Variants in PTPRR observed in about 807,000 individuals in gnomAD.
The protein encoded by PTPRR is receptor-type tyrosine-protein phosphatase R.
In PTPRR, 38 loss-of-function variants were observed where a neutral mutation model predicts 77.2. That is an observed-to-expected ratio of 0.49 (90% CI 0.38 to 0.65). The LOEUF is 0.65. PTPRR is among the 30% of genes least tolerant of loss of function. The pLI is 0.00. For missense variants in PTPRR, 744 were observed against 799.2 expected, an observed-to-expected ratio of 0.93 and a Z score of 0.83; for synonymous variants, 299 against 283.1, an observed-to-expected ratio of 1.06 and a Z score of -0.57.
intron 5 of PTPRR, among the ~76,000 whole-genome samples, chr12:70,753,404 C>CG (rs1890465254): frequency 1.3e-5 from 2 of 151,996 alleles, no homozygotes; most frequent in Non-Finnish European, 2.9e-5. Flanking sequence ...ACATAGCTCA[C>CG]AGGGAAAAAG....
At chr12:70,675,174 T>TC (rs1887397278) in intron 10 of PTPRR, among the ~76,000 whole-genome samples, 1 of 152,074 alleles carries the variant, frequency 6.6e-6, no homozygotes, top group South Asian at 2.1e-4. Flanking sequence ...TGTATTTTTT[T>TC]CCATCCTTTC....
intron 2 of PTPRR, among the ~76,000 whole-genome samples, chr12:70,807,838 C>G (rs766747238): frequency 6.6e-6 from 1 of 152,160 alleles, no homozygotes; most frequent in African/African-American, 2.4e-5. Flanking sequence ...CCTCAGGACT[C>G]TGTGATGATT....
intron 2 of PTPRR, among the ~76,000 whole-genome samples, chr12:70,883,125 G>A (rs954557553): frequency 1.3e-5 from 2 of 152,122 alleles, no homozygotes; most frequent in Non-Finnish European, 2.9e-5. Context: ...GCTGAACCTG[G>A]TGGCAGGTGC....
At chr12:70,916,331 A>C (rs1156762676) in intron 1 of PTPRR, among the ~76,000 whole-genome samples, 1 of 152,164 alleles carries the variant, frequency 6.6e-6, no homozygotes, top group East Asian at 1.9e-4. Context: ...ATGGCTGGAG[A>C]GAGGTAAAAA....
intron 2 of PTPRR, among the ~76,000 whole-genome samples, chr12:70,788,152 T>G (rs1891359930): frequency 6.6e-6 from 1 of 152,198 alleles, no homozygotes; most frequent in African/African-American, 2.4e-5. Flanking sequence ...AAGAGCCATA[T>G]TTAAGCCAAC....
chr12:70,849,675 T>C (rs972486516), intron 2 of PTPRR, among the ~76,000 whole-genome samples: 2 of 152,244 alleles, frequency 1.3e-5, no homozygotes, highest in African/African-American at 4.8e-5. Flanking sequence ...TACAAAAATA[T>C]GTGGTTGACA....
At chr12:70,669,165 C>G (rs1336435192) in intron 10 of PTPRR, among the ~76,000 whole-genome samples, 1 of 152,062 alleles carries the variant, frequency 6.6e-6, no homozygotes, top group Non-Finnish European at 1.5e-5. Context: ...CAATGCTGTA[C>G]CTTCTCATGA....
chr12:70,801,257 T>C (rs1448258515), intron 2 of PTPRR, among the ~76,000 whole-genome samples: 1 of 152,218 alleles, frequency 6.6e-6, no homozygotes, highest in Non-Finnish European at 1.5e-5. Flanking sequence ...GTTAATTTTA[T>C]GCATCAACTT....
chr12:70,833,678 C>T (rs971456989), intron 2 of PTPRR, among the ~76,000 whole-genome samples: 3 of 152,138 alleles, frequency 2.0e-5, no homozygotes, highest in South Asian at 2.1e-4. Context: ...TTCATCTTGC[C>T]TGCATATTGC....
chr12:70,782,677 G>A (rs974683018), intron 2 of PTPRR, among the ~76,000 whole-genome samples: 4 of 152,000 alleles, frequency 2.6e-5, no homozygotes, highest in African/African-American at 9.7e-5. Context: ...ATCACACACC[G>A]GGGCCGTTGT....
intron 10 of PTPRR, among the ~76,000 whole-genome samples, chr12:70,677,084 A>G (rs1887477957): frequency 6.6e-6 from 1 of 152,032 alleles, no homozygotes; most frequent in African/African-American, 2.4e-5. Flanking sequence ...TGTTCTCTAC[A>G]ATTTCCTTCA....
chr12:70,918,778 T>A (rs953443570), intron 1 of PTPRR, among the ~76,000 whole-genome samples: 24 of 152,330 alleles, frequency 1.6e-4, no homozygotes, highest in African/African-American at 5.8e-4. Flanking sequence ...GAATTGAGAT[T>A]TTTCTGTAAT....
chr12:70,912,779 A>G (rs1288106901), intron 1 of PTPRR, among the ~76,000 whole-genome samples: 1 of 152,182 alleles, frequency 6.6e-6, no homozygotes, highest in Non-Finnish European at 1.5e-5. Flanking sequence ...TATAGTAGGC[A>G]CTTATAGTTA....
chr12:70,764,512 C>T (rs1890767619), intron 3 of PTPRR, among the ~76,000 whole-genome samples, 153 bp downstream of exon 3: 1 of 152,152 alleles, frequency 6.6e-6, no homozygotes, highest in Non-Finnish European at 1.5e-5. Flanking sequence ...GGTAGATGAG[C>T]AGATATAGCT....
Position 70,715,356 on chromosome 12 carries a change from C to CACAGGACT in PTPRR, c.1008-14041_1008-14034dup, listed in dbSNP as rs1186295055. On this transcript the variant is annotated intron_variant, in intron 6 of 13. Transcript: ENST00000283228. ...TGGAGGCAGGGTGAAATCACGAGAC[C>CACAGGACT]ACAGGACTACAGGACCGGGGCAAAG... is the stretch of plus-strand genomic sequence containing the variant. 1.2e-4 allele frequency among the ~76,000 whole-genome samples: 19 copies of CACAGGACT among 152,282 alleles called. No homozygotes were observed. In the South Asian group the frequency reaches 1.5e-3, roughly 12 times the overall value.
intron 6 of PTPRR, among the ~76,000 whole-genome samples, chr12:70,733,482 GAA>G (rs1310822205): frequency 1.1e-5 from 1 of 92,316 alleles, no homozygotes; most frequent in Non-Finnish European, 2.0e-5. Flanking sequence ...AAAAAAAAAA[GAA>G]AAAAAAAGAA....
intron 2 of PTPRR, among the ~76,000 whole-genome samples, chr12:70,886,744 T>G (rs993492289): frequency 2.0e-5 from 3 of 152,248 alleles, no homozygotes; most frequent in African/African-American, 7.2e-5. Context: ...TAATGAGATG[T>G]ACTATTTATT....
At chr12:70,870,033 A>T (rs1226347592) in intron 2 of PTPRR, among the ~76,000 whole-genome samples, 1 of 152,134 alleles carries the variant, frequency 6.6e-6, no homozygotes. Flanking sequence ...GTCAAAGAGG[A>T]AACATTTTCA....
intron 2 of PTPRR, chr12:70,789,088 G>A: frequency 2.2e-6 from 1 of 446,628 alleles, no homozygotes; most frequent in Non-Finnish European, 3.9e-6. Flanking sequence ...AAATTCATGG[G>A]GATTTTTTTT....
Sources: allele counts gnomAD v4.1 joint callset (sites outside exome capture counted in the v4.1 genomes callset), GRCh38; gene constraint gnomAD v4.1.1; transcripts MANE v1.5; gene names NCBI Gene and HGNC (gene_info 2026-07-23, HGNC 2026-07-21).